ENTHD1: variants seen among roughly 807,000 people sequenced by gnomAD.
The protein encoded by ENTHD1 is ENTH domain-containing protein 1.
ENTHD1 carries 23 observed loss-of-function variants against 39.1 expected under a neutral mutation model. The observed-to-expected ratio is 0.59, with a 90% CI of 0.42 to 0.83. The LOEUF (loss-of-function observed/expected upper bound fraction) is 0.83. Among genes scored for constraint, ENTHD1 ranks in the 40% least tolerant of loss-of-function variants. The pLI, the probability that ENTHD1 is intolerant of heterozygous loss-of-function variation, is 0.00. For synonymous variants in ENTHD1, 230 were observed against 258.2 expected, an observed-to-expected ratio of 0.89 and a Z score of 1.05; for missense variants, 624 against 705.4, an observed-to-expected ratio of 0.88 and a Z score of 1.31.
At chr22:39,823,101 T>A (rs2065795841) in intron 4 of ENTHD1, among the ~76,000 whole-genome samples, 1 of 152,242 alleles carries the variant, frequency 6.6e-6, no homozygotes, top group African/African-American at 2.4e-5. Flanking sequence ...ATTTGAAGAA[T>A]GCTATATAAA....
intron 3 of ENTHD1, among the ~76,000 whole-genome samples, chr22:39,855,359 T>C (rs1292213213): frequency 6.6e-6 from 1 of 152,174 alleles, no homozygotes; most frequent in African/African-American, 2.4e-5. Flanking sequence ...CAAATTTATA[T>C]TTTTATTCCA....
At chr22:39,871,010 A>G (rs999126895) in intron 2 of ENTHD1, among the ~76,000 whole-genome samples, 3 of 151,932 alleles carry the variant, frequency 2.0e-5, no homozygotes, top group African/African-American at 7.3e-5. Context: ...CCTTCTCTAC[A>G]TTAAAAAGAA....
intron 5 of ENTHD1, among the ~76,000 whole-genome samples, chr22:39,790,291 G>T (rs1163158309): frequency 6.6e-6 from 1 of 152,138 alleles, no homozygotes; most frequent in African/African-American, 2.4e-5. Context: ...GGAGGCTGCT[G>T]CAATAATTCA....
At chr22:39,756,605 T>C (rs2065187848) in intron 6 of ENTHD1, among the ~76,000 whole-genome samples, 1 of 152,180 alleles carries the variant, frequency 6.6e-6, no homozygotes, top group Non-Finnish European at 1.5e-5. Flanking sequence ...AGTGCTGAGA[T>C]TACAGGCATG....
chr22:39,857,989 A>ATTT (rs1238212125), intron 3 of ENTHD1, among the ~76,000 whole-genome samples: 3 of 152,198 alleles, frequency 2.0e-5, no homozygotes, highest in African/African-American at 7.2e-5. Context: ...AGCTGTGGCA[A>ATTT]TTTTTTAAAG....
In ENTHD1 at chr22:39,743,719, TG is replaced by T. The variant is rs2146522989; in HGVS notation, c.1783del (p.Gln595ArgfsTer21). On this transcript the variant is annotated frameshift_variant, in exon 7 of 7. Coordinates refer to ENST00000325157, the MANE Select transcript of ENTHD1 (RefSeq NM_152512.4). LOFTEE classifies it high-confidence loss of function. ...LNSSQISQSS[Q>X]VPQSSEGSSD... ...GCTCCCCTCAGAAGACTGGGGGACCTGGGAAGACTGGCTTATTTGTGAACTA... is the reference window on the plus strand; with the variant it reads ...GCTCCCCTCAGAAGACTGGGGGACCTGGAAGACTGGCTTATTTGTGAACTA... 6.2e-7 allele frequency: 1 copy of T among 1,613,716 alleles called. No individual in the cohort carries two copies. The highest frequency in any genetic ancestry group is 1.1e-5 in the South Asian group (1 of 90,976).
At chr22:39,805,538 C>G (rs1432769865) in intron 5 of ENTHD1, among the ~76,000 whole-genome samples, 2 of 152,142 alleles carry the variant, frequency 1.3e-5, no homozygotes, top group African/African-American at 4.8e-5. Flanking sequence ...TGGGCAGAAA[C>G]ACAGCTGCAC....
intron 3 of ENTHD1, among the ~76,000 whole-genome samples, chr22:39,855,724 T>A (rs1236125504): frequency 6.6e-6 from 1 of 152,018 alleles, no homozygotes; most frequent in Non-Finnish European, 1.5e-5. Context: ...TGGAAGTGGA[T>A]CATGAAGTGG....
At chr22:39,869,715 G>A (rs771747942) in intron 2 of ENTHD1, among the ~76,000 whole-genome samples, 2 of 150,608 alleles carry the variant, frequency 1.3e-5, no homozygotes, top group Non-Finnish European at 2.9e-5. Context: ...ATCTTCTATG[G>A]AATCTATATT....
At chr22:39,784,559 C>T (rs1050484578) in intron 5 of ENTHD1, among the ~76,000 whole-genome samples, 65 of 151,080 alleles carry the variant, frequency 4.3e-4, no homozygotes, top group Non-Finnish European at 5.8e-4. Flanking sequence ...CACACACACA[C>T]ACACACACAC....
intron 2 of ENTHD1, among the ~76,000 whole-genome samples, chr22:39,878,339 CAT>C (rs1252820356): frequency 4.6e-5 from 7 of 152,150 alleles, no homozygotes; most frequent in Middle Eastern, 3.4e-3. Flanking sequence ...AAAGGTGTAA[CAT>C]ATGTGTAATG....
chr22:39,768,698 A>C (rs2065297936), intron 5 of ENTHD1, among the ~76,000 whole-genome samples: 1 of 152,124 alleles, frequency 6.6e-6, no homozygotes, highest in African/African-American at 2.4e-5. Context: ...GAGGTGTCAA[A>C]TGTTTGTTAA....
intron 3 of ENTHD1, among the ~76,000 whole-genome samples, chr22:39,846,457 G>A (rs891765338): frequency 6.6e-6 from 1 of 152,288 alleles, no homozygotes; most frequent in Admixed American, 6.5e-5. Context: ...TCTGATGGTA[G>A]TTTCTTTTGC....
At chr22:39,768,953 G>A (rs1319826964) in intron 5 of ENTHD1, among the ~76,000 whole-genome samples, 1 of 151,650 alleles carries the variant, frequency 6.6e-6, no homozygotes, top group Non-Finnish European at 1.5e-5. Flanking sequence ...AATAAACAAA[G>A]TATGGATTAT....
At chr22:39,812,985 G>T (rs561652115) in intron 5 of ENTHD1, among the ~76,000 whole-genome samples, 1 of 152,252 alleles carries the variant, frequency 6.6e-6, no homozygotes, top group African/African-American at 2.4e-5. Flanking sequence ...GTTTCACCGT[G>T]TTGGCCAGGC....
chr22:39,798,725 C>G (rs1052567370), intron 5 of ENTHD1, among the ~76,000 whole-genome samples: 6 of 152,114 alleles, frequency 3.9e-5, no homozygotes, highest in Non-Finnish European at 5.9e-5. Context: ...TGGGCTTCCA[C>G]GTGGCTTGTT....
At chr22:39,765,174 T>G in intron 6 of ENTHD1, 49 bp downstream of exon 6, 1 of 1,312,786 alleles carries the variant, frequency 7.6e-7, no homozygotes, top group Non-Finnish European at 1.0e-6. Context: ...AGAGGTTTTT[T>G]GTTGTGTGTG....
intron 6 of ENTHD1, among the ~76,000 whole-genome samples, chr22:39,764,268 G>A (rs2065257663): frequency 6.6e-6 from 1 of 152,090 alleles, no homozygotes; most frequent in South Asian, 2.1e-4. Context: ...GAGGCCAGGA[G>A]TTCAAGACCA....
Position 39,795,826 on chromosome 22 carries a change from C to G in ENTHD1, c.832+25167G>C, listed in dbSNP as rs181681400. 3.6e-3 allele frequency among the ~76,000 whole-genome samples: 546 copies of G among 152,202 alleles called. 5 individuals are homozygous for G. The highest frequency in any genetic ancestry group is 0.012 in the African/African-American group (480 of 41,536). Reference sequence around the variant, plus strand: ...CAGTCTTAGTAAATCAGGAATTTATCCATTTCCTCTAGGTTTTCCAATTTA... The same window carrying G: ...CAGTCTTAGTAAATCAGGAATTTATGCATTTCCTCTAGGTTTTCCAATTTA... On this transcript the variant is annotated intron_variant, in intron 5 of 6. Coordinates refer to ENST00000325157, the MANE Select transcript of ENTHD1 (RefSeq NM_152512.4).
Sources: gnomAD v4.1 joint callset for allele counts (sites outside exome capture counted in the v4.1 genomes callset) on GRCh38, gnomAD v4.1.1 for gene constraint, MANE v1.5 for transcripts, NCBI Gene and HGNC (gene_info 2026-07-23, HGNC 2026-07-21) for gene names.